EDA: variants seen among roughly 807,000 people sequenced by gnomAD.
EDA encodes the protein ectodysplasin A, also known as ectodysplasin-A.
EDA carries 2 observed loss-of-function variants against 23.6 expected under a neutral mutation model. The observed-to-expected ratio is 0.08, with a 90% CI of 0.03 to 0.27. EDA has a LOEUF of 0.27. EDA is among the 10% of genes least tolerant of loss of function. EDA has a pLI of 1.00. For missense variants in EDA, 229 were observed against 324.2 expected (o/e 0.71, Z 2.26); for synonymous variants, 131 against 132.0 (o/e 0.99, Z 0.05).
intron 1 of EDA, among the ~76,000 whole-genome samples, chrX:69,925,046 T>C (rs1409888812): frequency 8.9e-6 from 1 of 111,836 alleles, no homozygotes; most frequent in Non-Finnish European, 1.9e-5. Flanking sequence ...TTAAGGAGTT[T>C]GGGGGCTGAG....
intron 1 of EDA, among the ~76,000 whole-genome samples, chrX:69,703,297 G>C (rs945790537): frequency 9.0e-6 from 1 of 111,707 alleles, no homozygotes; most frequent in Non-Finnish European, 1.9e-5. Flanking sequence ...ACCAGTAGGT[G>C]AGATCAGTGA....
chrX:69,695,438 G>A (rs1383467124), intron 1 of EDA, among the ~76,000 whole-genome samples: 4 of 110,268 alleles, frequency 3.6e-5, no homozygotes, highest in Non-Finnish European at 7.6e-5. Flanking sequence ...ACTTTAAAAG[G>A]CAAATATAGA....
chrX:69,665,751 G>A (rs1009519471), intron 1 of EDA, among the ~76,000 whole-genome samples: 19 of 111,202 alleles, frequency 1.7e-4, no homozygotes, highest in African/African-American at 5.5e-4. Flanking sequence ...GAAGTATGAT[G>A]CCTCCAATTT....
chrX:69,742,391 TG>T (rs1324624318), intron 1 of EDA, among the ~76,000 whole-genome samples: 2 of 111,874 alleles, frequency 1.8e-5, no homozygotes, highest in African/African-American at 6.5e-5. Context: ...TACACTGATC[TG>T]GGGAAATAGA....
At chrX:69,851,799 C>T (rs1200710868) in intron 1 of EDA, among the ~76,000 whole-genome samples, 1 of 111,916 alleles carries the variant, frequency 8.9e-6, no homozygotes, top group Non-Finnish European at 1.9e-5. Context: ...TCATCCCTAT[C>T]ATCTGGAAAC....
chrX:69,738,331 T>G (rs752189970), intron 1 of EDA, among the ~76,000 whole-genome samples: 6 of 109,903 alleles, frequency 5.5e-5, no homozygotes, highest in Non-Finnish European at 7.6e-5. Context: ...AGATACTGTA[T>G]TTTTAATCTT....
chrX:69,652,706 T>G (rs534301356), intron 1 of EDA, among the ~76,000 whole-genome samples: 163 of 112,025 alleles, frequency 1.5e-3, no homozygotes, highest in African/African-American at 5.2e-3. Flanking sequence ...CCAACTATCT[T>G]GTTGAGTTAC....
At chrX:69,626,222 T>C (rs1219392013) in intron 1 of EDA, among the ~76,000 whole-genome samples, 1 of 111,833 alleles carries the variant, frequency 8.9e-6, no homozygotes, top group Non-Finnish European at 1.9e-5. Context: ...GTAAAATGAT[T>C]CAGCTGTTTT....
At chrX:69,789,259 C>T (rs1008908555) in intron 1 of EDA, among the ~76,000 whole-genome samples, 7 of 112,134 alleles carry the variant, frequency 6.2e-5, no homozygotes, top group African/African-American at 9.7e-5. Flanking sequence ...TCTTCTGCAT[C>T]GCTCACACTG....
intron 1 of EDA, among the ~76,000 whole-genome samples, chrX:69,755,119 T>C (rs756060046): frequency 8.9e-6 from 1 of 112,189 alleles, no homozygotes; most frequent in Non-Finnish European, 1.9e-5. Context: ...CTGAGTTCCT[T>C]TGGAGGAGAA....
chrX:69,716,037 C>T (rs2012318621), intron 1 of EDA, among the ~76,000 whole-genome samples: 1 of 111,694 alleles, frequency 9.0e-6, no homozygotes, highest in African/African-American at 3.3e-5. Flanking sequence ...GTTTAATCTG[C>T]TGATAGTTTC....
chrX:69,637,883 G>A (rs1298214712), intron 1 of EDA, among the ~76,000 whole-genome samples: 2 of 110,660 alleles, frequency 1.8e-5, no homozygotes, highest in Non-Finnish European at 3.8e-5. Flanking sequence ...AGCAAAGGGG[G>A]AAATGCTTGG....
intron 1 of EDA, among the ~76,000 whole-genome samples, chrX:69,922,555 C>T (rs183817578): frequency 8.9e-6 from 1 of 112,091 alleles, no homozygotes; most frequent in Non-Finnish European, 1.9e-5. Context: ...TAATGACAAC[C>T]TTGCCCACCT....
intron 2 of EDA, among the ~76,000 whole-genome samples, chrX:69,989,317 A>G (rs1418152502): frequency 8.9e-6 from 1 of 111,799 alleles, no homozygotes; most frequent in Non-Finnish European, 1.9e-5. Context: ...GCAACAGGAA[A>G]GTGTGAGTCA....
intron 2 of EDA, among the ~76,000 whole-genome samples, chrX:69,983,221 T>G (rs2019441915): frequency 4.0e-5 from 1 of 24,834 alleles, no homozygotes; most frequent in Non-Finnish European, 6.4e-5. Context: ...AACTTGCCAG[T>G]CTGTGTCTTT....
At chrX:69,808,202 T>C (rs1162956996) in intron 1 of EDA, among the ~76,000 whole-genome samples, 1 of 111,562 alleles carries the variant, frequency 9.0e-6, no homozygotes, top group East Asian at 2.8e-4. Flanking sequence ...ATTGTTTGTA[T>C]ATTATATGTT....
rs1473047262 is a variant in EDA at position 70,037,663 on chromosome X, A to C, written c.*2054A>C. The C allele has an allele frequency of 9.0e-6, 1 of 111,490 alleles. No homozygotes were observed. The highest frequency in any genetic ancestry group is 1.9e-5 in the Non-Finnish European group (1 of 53,107). The allele number at this position is 111,490 out of a possible 1,213,427, so 9.2% of individuals were successfully genotyped here. On this transcript the variant is annotated 3_prime_UTR_variant, in exon 8 of 8. Coordinates refer to ENST00000374552, the MANE Select transcript of EDA (RefSeq NM_001399.5). ...GCATTGTGTGGAATTTGAGGTCTAG[A>C]GAGAACCAATAAAAGTGGTAATTGG...
intron 1 of EDA, among the ~76,000 whole-genome samples, chrX:69,754,032 G>A (rs549511724): frequency 1.8e-5 from 2 of 110,797 alleles, no homozygotes; most frequent in African/African-American, 3.3e-5. Context: ...TCCAATTTGC[G>A]TCTGTGTCTT....
chrX:69,617,338 A>G, intron 1 of EDA: 1 of 138,721 alleles, frequency 7.2e-6, no homozygotes. Flanking sequence ...ACTTCTGAAC[A>G]GCAATTTTAA....
Sources: gnomAD v4.1 joint callset for allele counts (sites outside exome capture counted in the v4.1 genomes callset) on GRCh38, gnomAD v4.1.1 for gene constraint, MANE v1.5 for transcripts, NCBI Gene and HGNC (gene_info 2026-07-23, HGNC 2026-07-21) for gene names.